PCDH7: variants seen among roughly 807,000 people sequenced by gnomAD.
The protein encoded by PCDH7 is protocadherin-7.
Under a neutral mutation model 58.9 loss-of-function variants are expected in PCDH7, and 17 were observed. The ratio of observed to expected loss-of-function variants is 0.29; its 90% CI spans 0.20 to 0.43. PCDH7 has a LOEUF of 0.43. Ranked by LOEUF, PCDH7 falls within the 20% of genes least tolerant of loss-of-function variation. The pLI is 1.00. For synonymous variants in PCDH7, 664 were observed against 616.4 expected, an observed-to-expected ratio of 1.08 and a Z score of -1.14; for missense variants, 1,274 against 1,441.0, an observed-to-expected ratio of 0.88 and a Z score of 1.88.
intron 3 of PCDH7, among the ~76,000 whole-genome samples, chr4:31,017,321 A>G (rs1753694858): frequency 6.6e-6 from 1 of 152,200 alleles, no homozygotes; most frequent in East Asian, 1.9e-4. Context: ...AAAATAATTT[A>G]CATCCATTTG....
rs71190474 is a variant in PCDH7, at chr4:30,896,889, CTTTTTTTTTTTTTTTTTTTTT to C, written c.71-23251_71-23231del. Reference sequence around the variant, plus strand: ...GTCTTGTGCCCCTCCTAGTTCTTTGCTTTTTTTTTTTTTTTTTTTTTTTTTTTTTTTTTGAGGTGGAGTCTT... The same window carrying C: ...GTCTTGTGCCCCTCCTAGTTCTTTGCTTTTTTTTTTTTGAGGTGGAGTCTT... On this transcript the variant is annotated intron_variant, in intron 1 of 3. Coordinates refer to the PCDH7 transcript ENST00000509759. Among the ~76,000 whole-genome samples, 31 of 27,356 alleles carry C rather than the reference CTTTTTTTTTTTTTTTTTTTTT, an allele frequency of 1.1e-3. No homozygotes were observed. The Admixed American group carries it at 0.016, about 14-fold the overall frequency. 17.9% of individuals were successfully genotyped at this position (27,356 alleles called of 152,430 possible). A position where few individuals can be genotyped will look rare whatever the true frequency, so the allele number is the denominator to read the frequency against.
At chr4:31,073,849 G>GGAT (rs1345033260) in intron 3 of PCDH7, among the ~76,000 whole-genome samples, 2 of 152,180 alleles carry the variant, frequency 1.3e-5, no homozygotes, top group East Asian at 3.9e-4. Context: ...ATCTCTCTGA[G>GGAT]GATGAAACCT....
exon 2 of PCDH7, chr4:30,732,490 G>T (rs946811168): frequency 2.6e-5 from 4 of 152,150 alleles, no homozygotes; most frequent in Non-Finnish European, 5.9e-5. Flanking sequence ...TTGTAAGTTA[G>T]CATTTTCTAA....
At chr4:30,830,048 T>C (rs528133943) in intron 1 of PCDH7, among the ~76,000 whole-genome samples, 1 of 152,280 alleles carries the variant, frequency 6.6e-6, no homozygotes, top group Admixed American at 6.5e-5. Context: ...ATTTTATTTT[T>C]TATTGCTCTT....
intron 3 of PCDH7, among the ~76,000 whole-genome samples, chr4:31,001,596 T>C (rs80097273): frequency 6.6e-6 from 1 of 152,280 alleles, no homozygotes; most frequent in Non-Finnish European, 1.5e-5. Flanking sequence ...TTAACTTGTA[T>C]TCACTAAAAC....
In PCDH7 at chr4:30,784,177, T is replaced by C. The variant is rs148194038; in HGVS notation, c.70+59581T>C. Among the ~76,000 whole-genome samples, 590 of 152,322 alleles carry C rather than the reference T, an allele frequency of 3.9e-3. 7 individuals are homozygous for C. The highest frequency in any genetic ancestry group is 0.013 in the African/African-American group (527 of 41,576). ...CTGATTCAAATCAAAACCAACACAT[T>C]CTGGTAACATCCAGTTCTACTCTGA... On this transcript the variant is annotated intron_variant, in intron 1 of 3. Transcript: ENST00000509759.
At chr4:31,103,145 C>T (rs533897275) in intron 3 of PCDH7, among the ~76,000 whole-genome samples, 99 of 152,222 alleles carry the variant, frequency 6.5e-4, no homozygotes, top group African/African-American at 2.2e-3. Flanking sequence ...GACTAACTGC[C>T]AGATCAGTGT....
chr4:31,062,091 G>T (rs926748075), intron 3 of PCDH7, among the ~76,000 whole-genome samples: 1 of 151,640 alleles, frequency 6.6e-6, no homozygotes, highest in East Asian at 1.9e-4. Context: ...CATGTAGTTT[G>T]TATGTTATAT....
intron 1 of PCDH7, among the ~76,000 whole-genome samples, chr4:30,768,811 A>G (rs1000206768): frequency 6.6e-6 from 1 of 152,196 alleles, no homozygotes; most frequent in African/African-American, 2.4e-5. Context: ...CAGCTACACA[A>G]AAAGTAAGGA....
chr4:31,139,144 A>G lies in PCDH7; in HGVS notation c.*8-3329A>G, dbSNP rs73812541. On this transcript the variant is annotated intron_variant, in intron 3 of 3. Coordinates refer to the PCDH7 transcript ENST00000509759. Reference sequence around the variant, plus strand: ...TAATGCTAAGCAAGAACAGGATTTGATGGATACCATTTTTTTACTTCCAGT... The same window carrying G: ...TAATGCTAAGCAAGAACAGGATTTGGTGGATACCATTTTTTTACTTCCAGT... Among the ~76,000 whole-genome samples, 470 of 152,264 alleles carry G rather than the reference A, an allele frequency of 3.1e-3. 2 individuals carry two copies. The highest frequency in any genetic ancestry group is 0.011 in the African/African-American group (452 of 41,568).
intron 3 of PCDH7, among the ~76,000 whole-genome samples, chr4:30,979,621 G>A (rs1459084921): frequency 1.3e-5 from 2 of 151,616 alleles, no homozygotes; most frequent in Admixed American, 1.3e-4. Context: ...TGCATAATAT[G>A]ACATGCACTA....
At chr4:30,937,474 A>T (rs1199643867) in intron 2 of PCDH7, among the ~76,000 whole-genome samples, 1 of 152,124 alleles carries the variant, frequency 6.6e-6, no homozygotes, top group East Asian at 1.9e-4. Flanking sequence ...CTCCCTAGGG[A>T]ATATTTATTT....
intron 2 of PCDH7, among the ~76,000 whole-genome samples, chr4:30,938,824 A>G (rs1233457295): frequency 6.6e-6 from 1 of 152,124 alleles, no homozygotes; most frequent in African/African-American, 2.4e-5. Context: ...CTGAAATTTA[A>G]TGTAATCTTT....
chr4:30,772,150 G>A (rs944650777), intron 1 of PCDH7, among the ~76,000 whole-genome samples: 3 of 152,168 alleles, frequency 2.0e-5, no homozygotes, highest in East Asian at 1.9e-4. Flanking sequence ...GATTACAGGC[G>A]TGAGCCACCG....
chr4:30,794,158 G>C (rs1056222402), intron 1 of PCDH7, among the ~76,000 whole-genome samples: 1 of 152,142 alleles, frequency 6.6e-6, no homozygotes, highest in Non-Finnish European at 1.5e-5. Context: ...GATTGGTTCT[G>C]CCATTTTGCA....
At chr4:30,775,475 A>G (rs1160802482) in intron 1 of PCDH7, among the ~76,000 whole-genome samples, 2 of 152,154 alleles carry the variant, frequency 1.3e-5, no homozygotes, top group Non-Finnish European at 2.9e-5. Flanking sequence ...GCATCACTGA[A>G]CCTTTCAAAC....
At chr4:30,914,198 GT>G (rs1359830228) in intron 1 of PCDH7, among the ~76,000 whole-genome samples, 1 of 152,140 alleles carries the variant, frequency 6.6e-6, no homozygotes, top group East Asian at 1.9e-4. Flanking sequence ...GTATATGGTA[GT>G]TTAAAAAAGT....
At chr4:30,805,416 A>G (rs2109309268) in intron 1 of PCDH7, among the ~76,000 whole-genome samples, 1 of 152,348 alleles carries the variant, frequency 6.6e-6, no homozygotes, top group South Asian at 2.1e-4. Context: ...TGAGGATAAT[A>G]CTAAGAACTA....
At chr4:30,985,992 C>G (rs957191431) in intron 3 of PCDH7, among the ~76,000 whole-genome samples, 9 of 152,108 alleles carry the variant, frequency 5.9e-5, no homozygotes, top group Non-Finnish European at 8.8e-5. Context: ...TGTTACACCC[C>G]AAGACTATCA....
Sources: gnomAD v4.1 joint callset for allele counts (sites outside exome capture counted in the v4.1 genomes callset) on GRCh38, gnomAD v4.1.1 for gene constraint, MANE v1.5 for transcripts, NCBI Gene and HGNC (gene_info 2026-07-23, HGNC 2026-07-21) for gene names.